ZCCHC7: variants seen among roughly 807,000 people sequenced by gnomAD.
The protein encoded by ZCCHC7 is zinc finger CCHC-type containing 7, also known as zinc finger CCHC domain-containing protein 7.
A neutral mutation model predicts 52.0 loss-of-function variants in ZCCHC7; 35 were observed. The ratio of observed to expected loss-of-function variants is 0.67; its 90% CI spans 0.51 to 0.89. ZCCHC7 has a LOEUF of 0.89. ZCCHC7 is among the 40% of genes least tolerant of loss of function. The probability of loss-of-function intolerance (pLI) is 0.00; values close to 1 mark genes in which losing one functional copy is unlikely to be tolerated. For synonymous variants in ZCCHC7, 217 were observed against 221.5 expected (o/e 0.98, Z 0.18); for missense variants, 574 against 649.1 (o/e 0.88, Z 1.26).
At chr9:37,351,854 A>G (rs1821400528) in intron 7 of ZCCHC7, among the ~76,000 whole-genome samples, 1 of 152,194 alleles carries the variant, frequency 6.6e-6, no homozygotes, top group Non-Finnish European at 1.5e-5. Flanking sequence ...CTTACTAGTC[A>G]CTTCTGTTAA....
intron 2 of ZCCHC7, among the ~76,000 whole-genome samples, chr9:37,137,668 G>A (rs1016719488): frequency 1.3e-5 from 2 of 152,112 alleles, no homozygotes; most frequent in African/African-American, 4.8e-5. Flanking sequence ...GCTGTTTAAC[G>A]TGTATTTTGT....
intron 6 of ZCCHC7, among the ~76,000 whole-genome samples, chr9:37,343,956 T>A (rs1484201659): frequency 6.6e-6 from 1 of 152,322 alleles, no homozygotes; most frequent in Non-Finnish European, 1.5e-5. Flanking sequence ...CAATTTGAAT[T>A]TCACATAATT....
chr9:37,237,727 T>G (rs773681492), intron 2 of ZCCHC7, among the ~76,000 whole-genome samples: 2 of 152,214 alleles, frequency 1.3e-5, no homozygotes, highest in Admixed American at 6.5e-5. Context: ...CATGCAAGTT[T>G]AATATGCAAG....
intron 2 of ZCCHC7, among the ~76,000 whole-genome samples, chr9:37,135,439 T>G (rs1416769734): frequency 6.6e-6 from 1 of 152,150 alleles, no homozygotes; most frequent in Admixed American, 6.5e-5. Context: ...AAAAGAAAAA[T>G]GCCTTCTGCA....
chr9:37,175,072 C>T (rs915078102), intron 2 of ZCCHC7, among the ~76,000 whole-genome samples: 3 of 150,626 alleles, frequency 2.0e-5, no homozygotes, highest in Non-Finnish European at 4.4e-5. Flanking sequence ...GGAGGTGGAT[C>T]GTGCCACTGC....
At chr9:37,143,097 G>A (rs1013692589) in intron 2 of ZCCHC7, among the ~76,000 whole-genome samples, 10 of 151,668 alleles carry the variant, frequency 6.6e-5, no homozygotes, top group African/African-American at 2.2e-4. Flanking sequence ...ACAGACAATT[G>A]TCAGACAATT....
In ZCCHC7 at chr9:37,222,232, G is replaced by A. The variant is rs559667986; in HGVS notation, c.611-79956G>A. On this transcript the variant is annotated intron_variant, in intron 2 of 8. Coordinates refer to ENST00000336755, the MANE Select transcript of ZCCHC7 (RefSeq NM_032226.3). ...TAGAAAATTAAAAAAAAAAACAAAT[G>A]GTGACGTGTCCTGCCAGATATTAAA... 6.0e-5 allele frequency among the ~76,000 whole-genome samples: 9 copies of A among 151,218 alleles called. No homozygotes were observed. In the South Asian group the frequency reaches 1.5e-3, roughly 25 times the overall value.
chr9:37,310,520 G>A (rs1252025589), intron 5 of ZCCHC7, among the ~76,000 whole-genome samples: 1 of 152,036 alleles, frequency 6.6e-6, no homozygotes, highest in African/African-American at 2.4e-5. Context: ...ATGAAGTGTA[G>A]GTACTATTTA....
chr9:37,221,041 G>A (rs1295606152), intron 2 of ZCCHC7, among the ~76,000 whole-genome samples: 3 of 152,298 alleles, frequency 2.0e-5, no homozygotes, highest in Admixed American at 6.5e-5. Flanking sequence ...CAAACGCGGC[G>A]TTGCCTTAAT....
intron 2 of ZCCHC7, among the ~76,000 whole-genome samples, chr9:37,180,666 T>G (rs985905410): frequency 1.3e-5 from 2 of 152,180 alleles, no homozygotes; most frequent in Non-Finnish European, 2.9e-5. Flanking sequence ...GCTTGTCTGT[T>G]ACTGAATTGA....
At chr9:37,148,602 A>C (rs570568135) in intron 2 of ZCCHC7, among the ~76,000 whole-genome samples, 52 of 152,178 alleles carry the variant, frequency 3.4e-4, no homozygotes, top group Non-Finnish European at 6.2e-4. Flanking sequence ...TAAAGGTAAC[A>C]CTTTGCAGTG....
chr9:37,257,880 G>A (rs1826667547), intron 2 of ZCCHC7, among the ~76,000 whole-genome samples: 1 of 152,150 alleles, frequency 6.6e-6, no homozygotes, highest in Non-Finnish European at 1.5e-5. Flanking sequence ...ATAGCCTGCT[G>A]AAGAGTGAAC....
intron 2 of ZCCHC7, among the ~76,000 whole-genome samples, chr9:37,250,907 A>G (rs970078378): frequency 1.2e-4 from 18 of 152,140 alleles, no homozygotes; most frequent in Admixed American, 1.1e-3. Flanking sequence ...CAGCTGACCT[A>G]TTGGTGGGTT....
intron 7 of ZCCHC7, among the ~76,000 whole-genome samples, chr9:37,353,669 AT>A (rs1821527786): frequency 6.6e-6 from 1 of 152,042 alleles, no homozygotes; most frequent in Non-Finnish European, 1.5e-5. Flanking sequence ...GTTTTTAATT[AT>A]TTTTTTATAA....
chr9:37,130,531 C>T (rs1244512215), intron 2 of ZCCHC7, among the ~76,000 whole-genome samples: 8 of 145,268 alleles, frequency 5.5e-5, no homozygotes, highest in Middle Eastern at 3.6e-3. Context: ...CTCGCTCTGT[C>T]GCCCAGGCTG....
At chr9:37,183,063 A>G (rs139981689) in intron 2 of ZCCHC7, among the ~76,000 whole-genome samples, 2 of 152,362 alleles carry the variant, frequency 1.3e-5, no homozygotes, top group African/African-American at 4.8e-5. Context: ...AGATAGAAAT[A>G]ATTATATTAA....
intron 2 of ZCCHC7, among the ~76,000 whole-genome samples, chr9:37,226,968 G>T (rs968972876): frequency 6.7e-6 from 1 of 148,884 alleles, no homozygotes; most frequent in African/African-American, 2.5e-5. Context: ...GGCGGAGCTT[G>T]CAGTGAGCCG....
At chr9:37,244,953 A>G (rs1018270093) in intron 2 of ZCCHC7, among the ~76,000 whole-genome samples, 4 of 151,968 alleles carry the variant, frequency 2.6e-5, no homozygotes, top group Non-Finnish European at 4.4e-5. Flanking sequence ...AGTGAATCAA[A>G]TCCTATTTTA....
chr9:37,186,882 A>G (rs1822688664), intron 2 of ZCCHC7: 3 of 341,488 alleles, frequency 8.8e-6, no homozygotes, highest in Non-Finnish European at 1.7e-5. Context: ...CGATTTATAA[A>G]ATGAAACAAT....
Sources: gnomAD v4.1 joint callset for allele counts (sites outside exome capture counted in the v4.1 genomes callset) on GRCh38, gnomAD v4.1.1 for gene constraint, MANE v1.5 for transcripts, NCBI Gene and HGNC (gene_info 2026-07-23, HGNC 2026-07-21) for gene names.